DPP10: variants seen among roughly 807,000 people sequenced by gnomAD.
DPP10 encodes the protein dipeptidyl peptidase like 10, also known as inactive dipeptidyl peptidase 10.
A neutral mutation model predicts 120.9 loss-of-function variants in DPP10; 33 were observed. That is an observed-to-expected ratio of 0.27 (90% CI 0.21 to 0.37). DPP10 has a LOEUF of 0.37. DPP10 is among the 10% of genes least tolerant of loss of function. The probability of loss-of-function intolerance (pLI) is 1.00; values close to 1 mark genes in which losing one functional copy is unlikely to be tolerated. For missense variants in DPP10, 816 were observed against 942.8 expected (o/e 0.87, Z 1.76); for synonymous variants, 337 against 326.1 (o/e 1.03, Z -0.36).
intron 7 of DPP10, among the ~76,000 whole-genome samples, chr2:115,698,327 C>A (rs777308483): frequency 2.0e-5 from 3 of 152,128 alleles, no homozygotes; most frequent in Admixed American, 6.5e-5. Flanking sequence ...AATGAAAGCA[C>A]AACATACCAA....
chr2:115,052,006 C>T (rs887974234), intron 1 of DPP10, among the ~76,000 whole-genome samples: 3 of 152,050 alleles, frequency 2.0e-5, no homozygotes, highest in East Asian at 1.9e-4. Flanking sequence ...ATAAAGAATT[C>T]GAGTTCAGAA....
chr2:114,806,858 A>G (rs1004174358), intron 1 of DPP10, among the ~76,000 whole-genome samples: 7 of 152,102 alleles, frequency 4.6e-5, no homozygotes, highest in Non-Finnish European at 5.9e-5. Context: ...CTCCAGCCCT[A>G]TCTAACCCAA....
intron 3 of DPP10, among the ~76,000 whole-genome samples, chr2:115,462,749 TGA>T (rs1213970831): frequency 6.6e-6 from 1 of 152,184 alleles, no homozygotes; most frequent in Non-Finnish European, 1.5e-5. Flanking sequence ...TGCTTTTGTT[TGA>T]GAGAGTTTCA....
intron 1 of DPP10, among the ~76,000 whole-genome samples, chr2:115,058,600 A>G (rs1275281520): frequency 1.3e-5 from 2 of 152,084 alleles, no homozygotes; most frequent in Non-Finnish European, 2.9e-5. Flanking sequence ...GGGTTTCGCC[A>G]TGTTGGCAAG....
At chr2:115,333,209 G>A (rs1482761792) in intron 2 of DPP10, among the ~76,000 whole-genome samples, 1 of 151,990 alleles carries the variant, frequency 6.6e-6, no homozygotes, top group Non-Finnish European at 1.5e-5. Flanking sequence ...ATCTTTGTTG[G>A]TTTAAAGTCT....
At chr2:115,492,291 T>G (rs2076166776) in intron 3 of DPP10, among the ~76,000 whole-genome samples, 1 of 152,090 alleles carries the variant, frequency 6.6e-6, no homozygotes, top group African/African-American at 2.4e-5. Context: ...AAAAGATCAC[T>G]CTTGTCACAG....
intron 1 of DPP10, among the ~76,000 whole-genome samples, chr2:114,964,462 G>A (rs184076360): frequency 6.6e-6 from 1 of 152,194 alleles, no homozygotes; most frequent in East Asian, 1.9e-4. Flanking sequence ...TAAGAAGTGT[G>A]GGGGTATTGA....
chr2:115,036,341 G>C (rs555100676), intron 1 of DPP10, among the ~76,000 whole-genome samples: 2 of 152,262 alleles, frequency 1.3e-5, no homozygotes, highest in Non-Finnish European at 2.9e-5. Flanking sequence ...TGAGATTTTG[G>C]GTGGGGTCAC....
intron 5 of DPP10, among the ~76,000 whole-genome samples, chr2:115,564,178 T>A (rs535641192): frequency 2.0e-5 from 3 of 151,866 alleles, no homozygotes; most frequent in African/African-American, 7.2e-5. Context: ...TGAGATGGAA[T>A]ATATTTAATA....
chr2:115,052,057 T>G (rs1705530371), intron 1 of DPP10, among the ~76,000 whole-genome samples: 1 of 152,132 alleles, frequency 6.6e-6, no homozygotes, highest in Non-Finnish European at 1.5e-5. Context: ...TCAACCAAAG[T>G]GCTGAGACCA....
At chr2:114,869,371 G>A (rs1008672616) in intron 1 of DPP10, among the ~76,000 whole-genome samples, 2 of 152,116 alleles carry the variant, frequency 1.3e-5, no homozygotes, top group African/African-American at 4.8e-5. Context: ...AGTCTGGTGA[G>A]ACAAAACACA....
At chr2:115,577,098 T>C (rs2081718327) in intron 5 of DPP10, among the ~76,000 whole-genome samples, 1 of 152,194 alleles carries the variant, frequency 6.6e-6, no homozygotes, top group South Asian at 2.1e-4. Flanking sequence ...ATGCTCTCTC[T>C]CTCTGTTCCT....
chr2:115,613,539 G>C (rs986859331), intron 5 of DPP10, among the ~76,000 whole-genome samples: 2 of 152,082 alleles, frequency 1.3e-5, no homozygotes, highest in Non-Finnish European at 2.9e-5. Flanking sequence ...TCTGCACTGT[G>C]ATTCAAAGAG....
At chr2:115,767,082 T>C (rs1575721812) in intron 12 of DPP10, among the ~76,000 whole-genome samples, 1 of 152,162 alleles carries the variant, frequency 6.6e-6, no homozygotes, top group Admixed American at 6.6e-5. Context: ...GGTCTGACTT[T>C]CCTGATCTCG....
intron 1 of DPP10, among the ~76,000 whole-genome samples, chr2:114,889,484 A>G (rs1326084906): frequency 6.6e-6 from 1 of 151,808 alleles, no homozygotes; most frequent in Non-Finnish European, 1.5e-5. Flanking sequence ...TAGCAAAATT[A>G]TCACTTGGGC....
intron 2 of DPP10, among the ~76,000 whole-genome samples, chr2:115,339,729 T>A (rs2063348470): frequency 6.6e-6 from 1 of 152,124 alleles, no homozygotes; most frequent in Non-Finnish European, 1.5e-5. Context: ...ATGGTATGAT[T>A]GTGATTATAT....
intron 1 of DPP10, among the ~76,000 whole-genome samples, chr2:114,981,645 A>C (rs1003486175): frequency 6.6e-6 from 1 of 152,060 alleles, no homozygotes; most frequent in Admixed American, 6.5e-5. Context: ...CAGTGGCACA[A>C]TTATAGCTCA....
At chr2:114,873,760 G>A (rs1480283839) in intron 1 of DPP10, among the ~76,000 whole-genome samples, 1 of 152,064 alleles carries the variant, frequency 6.6e-6, no homozygotes, top group Non-Finnish European at 1.5e-5. Flanking sequence ...CTTAACTCAC[G>A]TCTGTTCATG....
intron 1 of DPP10, among the ~76,000 whole-genome samples, chr2:114,737,800 A>G (rs13026088): frequency 0.043 from 6,554 of 152,292 alleles, 170 homozygotes; most frequent in South Asian, 0.097. Context: ...TTCCTCAGCT[A>G]TAGGACCCAG....
Sources: allele counts gnomAD v4.1 joint callset (sites outside exome capture counted in the v4.1 genomes callset), GRCh38; gene constraint gnomAD v4.1.1; transcripts MANE v1.5; gene names NCBI Gene and HGNC (gene_info 2026-07-23, HGNC 2026-07-21).